Variants in CADPS observed in about 807,000 individuals in gnomAD.
CADPS encodes the protein calcium dependent secretion activator.
A neutral mutation model predicts 167.3 loss-of-function variants in CADPS; 57 were observed. The observed-to-expected ratio is 0.34, with a 90% CI of 0.28 to 0.42. The LOEUF is 0.42. Ranked by LOEUF, CADPS falls within the 20% of genes least tolerant of loss-of-function variation. CADPS has a pLI of 1.00. For synonymous variants in CADPS, 676 were observed against 635.3 expected (o/e 1.06, Z -0.96); for missense variants, 1,414 against 1,738.1 (o/e 0.81, Z 3.32).
chr3:62,831,539 C>T (rs567616068), intron 1 of CADPS, among the ~76,000 whole-genome samples: 1 of 152,224 alleles, frequency 6.6e-6, no homozygotes, highest in Admixed American at 6.5e-5. Flanking sequence ...CTAAATCACT[C>T]AATCTCTTTT....
chr3:62,680,685 T>C (rs1330524867), intron 3 of CADPS, among the ~76,000 whole-genome samples: 1 of 152,078 alleles, frequency 6.6e-6, no homozygotes, highest in Non-Finnish European at 1.5e-5. Context: ...AAAGCACACA[T>C]CTGGTCCTGT....
rs1157141979 is a variant in CADPS at position 62,719,169 on chromosome 3, C to A, written c.888+34272G>T. Among the ~76,000 whole-genome samples, 6 of 152,316 alleles carry A rather than the reference C, an allele frequency of 3.9e-5. No individual in the cohort carries two copies. The East Asian group carries it at 1.2e-3, about 29-fold the overall frequency. On this transcript the variant is annotated intron_variant, in intron 3 of 29. Transcript: ENST00000383710. Reference sequence around the variant, plus strand: ...GAGACCTAAGCTGGGATCTGCATGGCCTAGCCCCTGCCTGCCTTTCTGGCA... The same window carrying A: ...GAGACCTAAGCTGGGATCTGCATGGACTAGCCCCTGCCTGCCTTTCTGGCA...
At chr3:62,508,395 A>G (rs1427760047) in intron 17 of CADPS, among the ~76,000 whole-genome samples, 1 of 152,176 alleles carries the variant, frequency 6.6e-6, no homozygotes, top group Non-Finnish European at 1.5e-5. Context: ...CAAGCACTTT[A>G]TAGTGTAGAA....
intron 6 of CADPS, among the ~76,000 whole-genome samples, chr3:62,615,732 C>A (rs909315359): frequency 3.9e-5 from 6 of 152,080 alleles, no homozygotes; most frequent in Admixed American, 6.6e-5. Context: ...CACCCACACC[C>A]ACAGAGGAAT....
At chr3:62,525,957 G>A (rs1353919467) in intron 13 of CADPS, among the ~76,000 whole-genome samples, 1 of 152,118 alleles carries the variant, frequency 6.6e-6, no homozygotes, top group Admixed American at 6.6e-5. Context: ...TGGCATTGAA[G>A]AGAGGGAGAA....
At chr3:62,766,384 A>G (rs2152507369) in intron 1 of CADPS, among the ~76,000 whole-genome samples, 1 of 152,182 alleles carries the variant, frequency 6.6e-6, no homozygotes, top group East Asian at 1.9e-4. Flanking sequence ...TGGCAGCTTC[A>G]TGTCAGCCAA....
intron 22 of CADPS, among the ~76,000 whole-genome samples, chr3:62,480,601 T>C (rs1576601673): frequency 6.6e-6 from 1 of 152,334 alleles, no homozygotes; most frequent in East Asian, 1.9e-4. Context: ...ACTGCAAGAA[T>C]AAAAATGCTG....
rs1022652741 is a variant in CADPS, at chr3:62,602,973, AAAAG to A, written c.1326-10229_1326-10226del. On this transcript the variant is annotated intron_variant, in intron 6 of 29. Coordinates refer to ENST00000383710, the MANE Select transcript of CADPS (RefSeq NM_003716.4). The surrounding 1 kb of genome is among the most constrained non-coding windows in gnomAD (Gnocchi z 4.4). ...ACAAATCTGATTTTTGCTATGGAGAAAAAGAAAGCAGAAAATGGCATTTGGAAGT... is the reference window on the plus strand; with the variant it reads ...ACAAATCTGATTTTTGCTATGGAGAAAAAGCAGAAAATGGCATTTGGAAGT... Among the ~76,000 whole-genome samples the A allele has an allele frequency of 4.1e-4, 63 of 152,204 alleles. No homozygotes were observed. Among genetic ancestry groups the A allele is most frequent in the African/African-American group, 1.5e-3 (61 of 41,462 alleles).
intron 27 of CADPS, among the ~76,000 whole-genome samples, chr3:62,444,027 T>C (rs897990519): frequency 2.6e-5 from 4 of 152,294 alleles, no homozygotes; most frequent in Admixed American, 2.0e-4. Context: ...CTCACCAATA[T>C]GCCAATTTCA....
intron 28 of CADPS, among the ~76,000 whole-genome samples, chr3:62,427,099 G>C (rs962515491): frequency 2.7e-5 from 4 of 150,124 alleles, no homozygotes; most frequent in Non-Finnish European, 5.9e-5. Context: ...AAGAAAAGTT[G>C]ACAGGGCACC....
At chr3:62,491,587 ATGAT>A (rs894621725) in intron 20 of CADPS, 107 bp from the exon 21 acceptor site, 18 of 943,266 alleles carry the variant, frequency 1.9e-5, no homozygotes, top group Middle Eastern at 3.0e-4. Context: ...ACACACACAG[ATGAT>A]TGATTGTCTT....
chr3:62,703,768 C>T (rs115521448), intron 3 of CADPS, among the ~76,000 whole-genome samples: 2,419 of 152,128 alleles, frequency 0.016, 35 homozygotes, highest in South Asian at 0.027. Flanking sequence ...AGATGAAATG[C>T]CTGGTTGTAT....
chr3:62,678,396 A>G (rs2076639865), intron 3 of CADPS, among the ~76,000 whole-genome samples: 2 of 152,110 alleles, frequency 1.3e-5, no homozygotes, highest in South Asian at 4.1e-4. Flanking sequence ...CTTTCTCACT[A>G]AATTCCATTT....
At chr3:62,712,689 G>T (rs1425056895) in intron 3 of CADPS, among the ~76,000 whole-genome samples, 5 of 152,190 alleles carry the variant, frequency 3.3e-5, no homozygotes, top group African/African-American at 4.8e-5. Context: ...GAATGAGGCA[G>T]GGTTATAAAT....
At chr3:62,800,187 T>C (rs557092017) in intron 1 of CADPS, among the ~76,000 whole-genome samples, 4 of 152,150 alleles carry the variant, frequency 2.6e-5, no homozygotes, top group Non-Finnish European at 4.4e-5. Flanking sequence ...GGACAGTCCT[T>C]TGTCACTTTC....
At chr3:62,574,479 G>A (rs937824411) in intron 8 of CADPS, among the ~76,000 whole-genome samples, 15 of 152,154 alleles carry the variant, frequency 9.9e-5, no homozygotes, top group African/African-American at 3.4e-4. Context: ...AGCATCGACC[G>A]GATGACTGAT....
At chr3:62,480,509 A>G (rs915489002) in intron 22 of CADPS, among the ~76,000 whole-genome samples, 4 of 152,298 alleles carry the variant, frequency 2.6e-5, no homozygotes, top group East Asian at 1.9e-4. Context: ...CTTGTGAGCA[A>G]TTGTAGGTTG....
chr3:62,757,482 C>A (rs1297326976), intron 2 of CADPS, among the ~76,000 whole-genome samples: 3 of 152,004 alleles, frequency 2.0e-5, no homozygotes, highest in Non-Finnish European at 4.4e-5. Context: ...AGTGAATGAA[C>A]TATAAGAGCA....
chr3:62,606,951 C>A (rs923663421), intron 6 of CADPS, among the ~76,000 whole-genome samples: 2 of 152,232 alleles, frequency 1.3e-5, no homozygotes, highest in African/African-American at 4.8e-5. Flanking sequence ...GATCAGCCAA[C>A]CTTCAACTGA....
Sources: allele counts gnomAD v4.1 joint callset (sites outside exome capture counted in the v4.1 genomes callset), GRCh38; gene constraint gnomAD v4.1.1; non-coding constraint Gnocchi (gnomAD v3.1); transcripts MANE v1.5; gene names NCBI Gene and HGNC (gene_info 2026-07-23, HGNC 2026-07-21).